The following TSC22D1 variants were observed in gnomAD, a reference collection of about 807,000 sequenced individuals.
The protein encoded by TSC22D1 is TSC22 domain family member 1.
Under a neutral mutation model 74.2 loss-of-function variants are expected in TSC22D1, and 9 were observed. The observed-to-expected ratio is 0.12, with a 90% confidence interval of 0.07 to 0.21. TSC22D1 has a LOEUF of 0.21. Among genes scored for constraint, TSC22D1 ranks in the 10% least tolerant of loss-of-function variants. The probability of loss-of-function intolerance (pLI) is 1.00; values close to 1 mark genes in which losing one functional copy is unlikely to be tolerated. For missense variants in TSC22D1, 1,427 were observed against 1,304.7 expected, an observed-to-expected ratio of 1.09 and a Z score of -1.44; for synonymous variants, 586 against 492.5, an observed-to-expected ratio of 1.19 and a Z score of -2.51.
At position 44,574,910 on chromosome 13, in the gene TSC22D1, T is replaced by G. The variant is rs776939697; in HGVS notation, c.1165A>C (p.Thr389Pro). 1 of 1,614,124 alleles carries G rather than the reference T, an allele frequency of 6.2e-7. No homozygotes were observed. Among genetic ancestry groups the G allele is most frequent in the Non-Finnish European group, 8.5e-7 (1 of 1,180,016 alleles). ...TGCTGACTTGAAACCGATCCCCCAG[T>G]CATCCCTGCAGCTGCATTAGGAACA... ...SSVPNAAAGM[T>P]GGSVSSQQQQ... Residue 389 changes from threonine (T) to proline (P), a missense_variant, in exon 1 of 3, where the codon ACT (threonine) becomes CCT (proline). Around this residue, in one of 3 missense-constraint regions of TSC22D1, gnomAD observed 1,343 missense variants for 1,191.5 expected, o/e 1.13. Coordinates refer to ENST00000458659, the MANE Select transcript of TSC22D1 (RefSeq NM_183422.4).
chr13:44,548,650 G>A (rs1415751479), intron 1 of TSC22D1, among the ~76,000 whole-genome samples: 2 of 151,990 alleles, frequency 1.3e-5, no homozygotes, highest in Admixed American at 6.6e-5. Context: ...AAAATAAAGC[G>A]TAGCAAAATT....
Position 44,575,834 on chromosome 13 carries a change from G to GCGGAGGCTGTGGTCCCGA in TSC22D1, c.223_240dup (p.Ser75_Pro80dup), listed in dbSNP as rs751871252. On this transcript the variant is annotated inframe_insertion, in exon 1 of 3. Transcript: ENST00000458659. ...GAAAGGAGGTTCAGGCTTTGTGGAG[G>GCGGAGGCTGTGGTCCCGA]CGGAGGCTGTGGTCCCGACGTAGAA... 9.9e-6 allele frequency: 16 copies of GCGGAGGCTGTGGTCCCGA among 1,613,968 alleles called. No homozygotes were observed. The highest frequency in any genetic ancestry group is 1.4e-5 in the Non-Finnish European group (16 of 1,179,976).
chr13:44,516,916 T>C (rs1262355039), intron 1 of TSC22D1, among the ~76,000 whole-genome samples: 1 of 152,206 alleles, frequency 6.6e-6, no homozygotes, highest in Non-Finnish European at 1.5e-5. Context: ...TAGCAGTCTC[T>C]TCCTAAGTCC....
At chr13:44,488,739 A>G (rs1487635868) in intron 1 of TSC22D1, among the ~76,000 whole-genome samples, 1 of 152,242 alleles carries the variant, frequency 6.6e-6, no homozygotes, top group Non-Finnish European at 1.5e-5. Context: ...TTTCAAAAAG[A>G]TACCATTGAC....
chr13:44,497,612 C>T (rs934442320), intron 1 of TSC22D1, among the ~76,000 whole-genome samples: 1 of 152,182 alleles, frequency 6.6e-6, no homozygotes, highest in African/African-American at 2.4e-5. Flanking sequence ...CAGAAAGCCA[C>T]AAATTATCTT....
intron 1 of TSC22D1, among the ~76,000 whole-genome samples, chr13:44,528,952 C>T (rs1243603225): frequency 6.6e-6 from 1 of 151,902 alleles, no homozygotes; most frequent in Non-Finnish European, 1.5e-5. Context: ...CTGAATAGGC[C>T]CATATCTATT....
chr13:44,437,839 T>G (rs965086596), intron 1 of TSC22D1, among the ~76,000 whole-genome samples: 1 of 152,210 alleles, frequency 6.6e-6, no homozygotes, highest in Non-Finnish European at 1.5e-5. Context: ...TCTGCCCATT[T>G]GCAGTGTCCA....
chr13:44,491,404 A>G (rs1566137579), intron 1 of TSC22D1, among the ~76,000 whole-genome samples: 1 of 151,912 alleles, frequency 6.6e-6, no homozygotes, highest in Non-Finnish European at 1.5e-5. Context: ...ATACAAAAAA[A>G]TTAGCTGGAC....
At chr13:44,470,272 AAC>A (rs1299703905) in intron 1 of TSC22D1, among the ~76,000 whole-genome samples, 1 of 152,180 alleles carries the variant, frequency 6.6e-6, no homozygotes, top group African/African-American at 2.4e-5. Flanking sequence ...TGGAAAGGGA[AAC>A]ACAGTATCCA....
intron 1 of TSC22D1, among the ~76,000 whole-genome samples, chr13:44,530,040 G>A (rs1425166037): frequency 6.6e-6 from 1 of 151,968 alleles, no homozygotes; most frequent in African/African-American, 2.4e-5. Flanking sequence ...TCAAAATCCT[G>A]GCATGGTGGA....
intron 1 of TSC22D1, chr13:44,436,948 C>T (rs1566110557): frequency 9.8e-7 from 1 of 1,019,334 alleles, no homozygotes. Flanking sequence ...TACTCCCTTC[C>T]AGGTCCTCCC....
chr13:44,532,635 G>A (rs1477626756), intron 1 of TSC22D1, among the ~76,000 whole-genome samples: 3 of 151,696 alleles, frequency 2.0e-5, no homozygotes, highest in Admixed American at 6.6e-5. Context: ...CACCATGCCC[G>A]GCTATTTTTT....
intron 1 of TSC22D1, among the ~76,000 whole-genome samples, chr13:44,492,169 ACT>A (rs1347630706): frequency 6.6e-6 from 1 of 152,126 alleles, no homozygotes; most frequent in Non-Finnish European, 1.5e-5. Flanking sequence ...TGTTAAAAAT[ACT>A]GTCAGTCAAA....
chr13:44,509,950 C>CAAAAAAAAAAAAAAAAAAAAG (rs1879617459), intron 1 of TSC22D1, among the ~76,000 whole-genome samples: 77 of 51,432 alleles, frequency 1.5e-3, no homozygotes, highest in East Asian at 2.9e-3. Context: ...AGAAAATAAG[C>CAAAAAAAAAAAAAAAAAAAAG]AAAAAAAAAA....
chr13:44,477,746 G>A (rs1256248106), intron 1 of TSC22D1, among the ~76,000 whole-genome samples: 1 of 150,972 alleles, frequency 6.6e-6, no homozygotes, highest in African/African-American at 2.4e-5. Flanking sequence ...GGGCTCAAGT[G>A]ATTCTCCTGC....
chr13:44,462,772 T>C (rs1038590275), intron 1 of TSC22D1, among the ~76,000 whole-genome samples: 29 of 151,988 alleles, frequency 1.9e-4, no homozygotes, highest in Admixed American at 1.9e-3. Context: ...AGAAAGACCC[T>C]CAAAGGAACA....
chr13:44,502,851 T>C (rs1366389441), intron 1 of TSC22D1, among the ~76,000 whole-genome samples: 1 of 152,368 alleles, frequency 6.6e-6, no homozygotes, highest in Non-Finnish European at 1.5e-5. Context: ...CTACACCTTA[T>C]GACCTAATCT....
intron 1 of TSC22D1, among the ~76,000 whole-genome samples, chr13:44,453,090 A>G (rs1481006149): frequency 6.6e-6 from 1 of 152,202 alleles, no homozygotes; most frequent in African/African-American, 2.4e-5. Context: ...GTTATTTTTT[A>G]AGCATTGATT....
chr13:44,447,729 T>C (rs1471045891), intron 1 of TSC22D1, among the ~76,000 whole-genome samples: 3 of 151,958 alleles, frequency 2.0e-5, no homozygotes, highest in African/African-American at 7.2e-5. Context: ...TTGTTACAAT[T>C]CTAGAAACAA....
Sources: allele counts gnomAD v4.1 joint callset (sites outside exome capture counted in the v4.1 genomes callset), GRCh38; gene constraint gnomAD v4.1.1; regional missense constraint gnomAD v4.1.1; transcripts MANE v1.5; gene names NCBI Gene and HGNC (gene_info 2026-07-23, HGNC 2026-07-21).